The following CSMD1 variants were observed in gnomAD, a reference collection of about 807,000 sequenced individuals.
The protein encoded by CSMD1 is CUB and Sushi multiple domains 1.
Under a neutral mutation model 417.5 loss-of-function variants are expected in CSMD1, and 213 were observed. The ratio of observed to expected loss-of-function variants is 0.51; its 90% CI spans 0.46 to 0.57. The LOEUF (loss-of-function observed/expected upper bound fraction) is 0.57, where lower values mean the gene tolerates loss of function less well. Ranked by LOEUF, CSMD1 falls within the 20% of genes least tolerant of loss-of-function variation. The pLI is 0.00. For synonymous variants in CSMD1, 2,862 were observed against 1,736.8 expected, an observed-to-expected ratio of 1.65 and a Z score of -16.11; for missense variants, 6,923 against 4,529.7, an observed-to-expected ratio of 1.53 and a Z score of -15.17.
chr8:4,727,817 A>G (rs1017808186), intron 1 of CSMD1, among the ~76,000 whole-genome samples: 3 of 150,632 alleles, frequency 2.0e-5, no homozygotes, highest in African/African-American at 7.3e-5. Context: ...GTACATGTAT[A>G]TGTTTGGGAT....
At chr8:3,745,686 G>A (rs1405388344) in intron 6 of CSMD1, among the ~76,000 whole-genome samples, 1 of 152,204 alleles carries the variant, frequency 6.6e-6, no homozygotes, top group South Asian at 2.1e-4. Flanking sequence ...TCAGGCAGCT[G>A]CTGGAGTAAG....
chr8:4,236,207 G>A (rs1255999937), intron 3 of CSMD1, among the ~76,000 whole-genome samples: 1 of 152,016 alleles, frequency 6.6e-6, no homozygotes, highest in African/African-American at 2.4e-5. Context: ...ACGTCTGCGG[G>A]AATTCATAGA....
At position 4,613,321 on chromosome 8, in the gene CSMD1, C is replaced by T. The variant is rs555237449; in HGVS notation, c.302+24021G>A. ...CCCATTGCACTAGAGTAGACACCAC[C>T]GCAGGTGGCCATGTCTACAGGGTTG... On this transcript the variant is annotated intron_variant, in intron 2 of 69. Coordinates refer to ENST00000635120, the MANE Select transcript of CSMD1 (RefSeq NM_033225.6). 4.6e-5 allele frequency among the ~76,000 whole-genome samples: 7 copies of T among 152,284 alleles called. No individual in the cohort carries two copies. The South Asian group carries it at 8.3e-4, about 18-fold the overall frequency.
intron 23 of CSMD1, among the ~76,000 whole-genome samples, chr8:3,314,225 C>T (rs1805579461): frequency 6.6e-6 from 1 of 151,928 alleles, no homozygotes; most frequent in Admixed American, 6.6e-5. Flanking sequence ...ACATATGTAA[C>T]AAACCCTAAA....
At chr8:4,043,379 A>C (rs1797991141) in intron 3 of CSMD1, among the ~76,000 whole-genome samples, 1 of 152,246 alleles carries the variant, frequency 6.6e-6, no homozygotes, top group Non-Finnish European at 1.5e-5. Context: ...AATTAAATAC[A>C]GCCACACCAA....
At chr8:3,510,911 C>T (rs140887926) in intron 10 of CSMD1, among the ~76,000 whole-genome samples, 5 of 151,834 alleles carry the variant, frequency 3.3e-5, no homozygotes, top group South Asian at 2.1e-4. Context: ...ATTAGCCCTT[C>T]GTCAGAGATA....
intron 5 of CSMD1, among the ~76,000 whole-genome samples, chr8:3,964,756 T>A (rs941740313): frequency 6.6e-6 from 1 of 152,236 alleles, no homozygotes; most frequent in Non-Finnish European, 1.5e-5. Flanking sequence ...TTGTCCTGTA[T>A]CCTTCATAAA....
intron 5 of CSMD1, among the ~76,000 whole-genome samples, chr8:3,892,510 T>G (rs1374568021): frequency 6.8e-6 from 1 of 147,568 alleles, no homozygotes; most frequent in East Asian, 2.0e-4. Context: ...GTGCATCCAA[T>G]CCTATGTTAG....
intron 1 of CSMD1, among the ~76,000 whole-genome samples, chr8:4,722,974 G>T (rs943687017): frequency 5.9e-5 from 9 of 152,014 alleles, no homozygotes; most frequent in Non-Finnish European, 1.2e-4. Flanking sequence ...GAGTGCTAAG[G>T]TATCATTTTT....
chr8:4,916,481 A>T (rs1478545720), intron 1 of CSMD1, among the ~76,000 whole-genome samples: 1 of 152,228 alleles, frequency 6.6e-6, no homozygotes, highest in African/African-American at 2.4e-5. Context: ...TCAACTTGCA[A>T]TGTATGTTTT....
chr8:3,646,590 C>A (rs1420836944), intron 7 of CSMD1, among the ~76,000 whole-genome samples: 1 of 152,144 alleles, frequency 6.6e-6, no homozygotes, highest in African/African-American at 2.4e-5. Flanking sequence ...GTAGGACCGC[C>A]CAAAGTAGCA....
At chr8:4,158,037 C>G (rs1397230489) in intron 3 of CSMD1, among the ~76,000 whole-genome samples, 1 of 151,870 alleles carries the variant, frequency 6.6e-6, no homozygotes, top group Non-Finnish European at 1.5e-5. Context: ...AATGCCTGCT[C>G]AAAGCTCCTG....
In CSMD1 at chr8:3,201,690, G is replaced by C; in HGVS notation, c.5020C>G (p.Leu1674Val). The C allele has an allele frequency of 6.2e-7, 1 of 1,604,438 alleles. No individual in the cohort carries two copies. The highest frequency in any genetic ancestry group is 8.5e-7 in the Non-Finnish European group (1 of 1,175,310). Reference sequence around the variant, plus strand: ...TCAAATAATTCTGCCAAATCATTCAGGGCTGTCTGGAAATAGGCAAACTGT... The same window carrying C: ...TCAAATAATTCTGCCAAATCATTCACGGCTGTCTGGAAATAGGCAAACTGT... The part of the protein sequence containing the change: ...FGQFAYFQTA[L>V]NDLAELFDGT... The change falls in exon 32 of 70, where the codon CTG (leucine) becomes GTG (valine). Residue 1674 changes from leucine (L) to valine (V), a missense_variant. Coordinates refer to ENST00000635120, the MANE Select transcript of CSMD1 (RefSeq NM_033225.6).
At chr8:4,747,555 C>G (rs1195272101) in intron 1 of CSMD1, among the ~76,000 whole-genome samples, 1 of 152,174 alleles carries the variant, frequency 6.6e-6, no homozygotes, top group Non-Finnish European at 1.5e-5. Flanking sequence ...TTATGATCCT[C>G]CTACGGTGAC....
At chr8:4,602,554 G>A (rs1333079273) in intron 2 of CSMD1, among the ~76,000 whole-genome samples, 1 of 152,198 alleles carries the variant, frequency 6.6e-6, no homozygotes. Flanking sequence ...TATAGTCATT[G>A]AGACAAGATG....
At position 3,026,717 on chromosome 8, in the gene CSMD1, G is replaced by T. The variant is rs188243479; in HGVS notation, c.7855+2602C>A. Among the ~76,000 whole-genome samples, 148 of 152,344 alleles carry T rather than the reference G, an allele frequency of 9.7e-4. 2 individuals are homozygous for T. The highest frequency in any genetic ancestry group is 6.5e-4 in the Non-Finnish European group (44 of 68,032). On this transcript the variant is annotated intron_variant, in intron 51 of 69. Transcript: ENST00000635120. ...GCCAGGTATCTGAGCCCAGAAGCTG[G>T]GCCGTAGCGAATCTGTGTTATCATG...
At chr8:4,067,961 C>G (rs887764424) in intron 3 of CSMD1, among the ~76,000 whole-genome samples, 3 of 152,046 alleles carry the variant, frequency 2.0e-5, no homozygotes, top group Non-Finnish European at 2.9e-5. Flanking sequence ...CCTGTAATCC[C>G]AGCTACTTGG....
intron 12 of CSMD1, among the ~76,000 whole-genome samples, chr8:3,410,404 C>T (rs1275436122): frequency 1.3e-5 from 2 of 152,090 alleles, no homozygotes; most frequent in South Asian, 2.1e-4. Flanking sequence ...ATTTTGAATC[C>T]CACGTGTTGT....
At chr8:4,819,410 G>T (rs1029622078) in intron 1 of CSMD1, among the ~76,000 whole-genome samples, 1 of 151,852 alleles carries the variant, frequency 6.6e-6, no homozygotes, top group South Asian at 2.1e-4. Context: ...CATTCTGCAA[G>T]CTTCATAGAG....
Sources: gnomAD v4.1 joint callset for allele counts (sites outside exome capture counted in the v4.1 genomes callset) on GRCh38, gnomAD v4.1.1 for gene constraint, MANE v1.5 for transcripts, NCBI Gene and HGNC (gene_info 2026-07-23, HGNC 2026-07-21) for gene names.